The following PITHD1 variants were observed in gnomAD, a reference collection of about 807,000 sequenced individuals.
PITHD1 encodes PITH domain containing 1, also known as PITH domain-containing protein 1.
PITHD1 carries 8 observed loss-of-function variants against 27.5 expected under a neutral mutation model. The observed-to-expected ratio is 0.29, with a 90% CI of 0.17 to 0.52. The LOEUF is 0.52. PITHD1 is among the 20% of genes least tolerant of loss of function. The pLI is 0.96. For synonymous variants in PITHD1, 118 were observed against 106.8 expected (o/e 1.10, Z -0.64); for missense variants, 233 against 283.9 (o/e 0.82, Z 1.29).
chr1:23,783,963 G>A (rs1490082268), intron 3 of PITHD1, among the ~76,000 whole-genome samples: 1 of 152,114 alleles, frequency 6.6e-6, no homozygotes, highest in South Asian at 2.1e-4. Context: ...GCGTTACTTA[G>A]AATCGATTCA....
rs553789224 is a variant in PITHD1 at position 23,786,441 on chromosome 1, A to G, written c.534+18A>G. 8 of 1,305,426 alleles carry G rather than the reference A, an allele frequency of 6.1e-6. 1 individual carries two copies. The Admixed American group carries it at 8.5e-5, about 14-fold the overall frequency. The allele number at this position is 1,305,426 out of a possible 1,614,324, so 80.9% of individuals were successfully genotyped here. A position where few individuals can be genotyped will look rare whatever the true frequency, so the allele number is the denominator to read the frequency against. On this transcript the variant is annotated intron_variant, in intron 5 of 5. Transcript: ENST00000246151. Reference sequence around the variant, plus strand: ...GGACTGAGGTAAGATGGGGTTGGAAAGGTTTTCCCCTCATGTCTACATATC... The same window carrying G: ...GGACTGAGGTAAGATGGGGTTGGAAGGGTTTTCCCCTCATGTCTACATATC...
chr1:23,778,482 G>A lies in PITHD1; in HGVS notation c.-34G>A. ...AGCCGAGCCGAGCGAGCGCGGCGGT[G>A]GGGCCGAGAGGACGCGCAGGTGGCG... On this transcript the variant is annotated 5_prime_UTR_variant, in exon 1 of 6. Coordinates refer to ENST00000246151, the MANE Select transcript of PITHD1 (RefSeq NM_020362.5). 7.5e-7 allele frequency: 1 copy of A among 1,326,188 alleles called. No homozygotes were observed. The highest frequency in any genetic ancestry group is 9.6e-7 in the Non-Finnish European group (1 of 1,040,100). The allele number at this position is 1,326,188 out of a possible 1,614,324, so 82.2% of individuals were successfully genotyped here.
chr1:23,778,742 G>A lies in PITHD1; in HGVS notation c.198+29G>A, dbSNP rs1638549391. The A allele has an allele frequency of 2.4e-6, 3 of 1,238,154 alleles. No homozygotes were observed. The African/African-American group carries it at 4.7e-5, about 19-fold the overall frequency. The allele number at this position is 1,238,154 out of a possible 1,614,324, so 76.7% of individuals were successfully genotyped here. A position where few individuals can be genotyped will look rare whatever the true frequency, so the allele number is the denominator to read the frequency against. On this transcript the variant is annotated intron_variant, in intron 1 of 5. Coordinates refer to ENST00000246151, the MANE Select transcript of PITHD1 (RefSeq NM_020362.5). ...GGCCGCCTGGGGCTTGGGGCGGGCG[G>A]GGCAGGGTGCGTGTGGGGCCTCGGG...
chr1:23,786,747 G>C (rs181774095), intron 5 of PITHD1, among the ~76,000 whole-genome samples: 1 of 151,310 alleles, frequency 6.6e-6, no homozygotes, highest in Non-Finnish European at 1.5e-5. Flanking sequence ...CCACTCCCAC[G>C]CCTGGCTAAT....
intron 5 of PITHD1, 37 bp downstream of exon 5, chr1:23,786,460 A>G (rs771436820): frequency 3.4e-5 from 31 of 904,218 alleles, no homozygotes; most frequent in South Asian, 1.1e-4. Context: ...CCTCATGTCT[A>G]CATATCTGCA....
At position 23,787,352 on chromosome 1, in the gene PITHD1, C is replaced by A; in HGVS notation, c.612C>A (p.Thr204=). ...CAGACCATAGGGTCCATCAGGTTAC[C>A]CCACAGACACACTTTATTTCCTAAG... ...NPADHRVHQV[T]PQTHFIS is the part of the protein sequence containing the mutation. Residue 204 remains threonine, a synonymous_variant, in exon 6 of 6, where the codon ACC becomes ACA. Coordinates refer to ENST00000246151, the MANE Select transcript of PITHD1 (RefSeq NM_020362.5). The A allele has an allele frequency of 6.2e-7, 1 of 1,607,136 alleles. No homozygotes were observed. Among genetic ancestry groups the A allele is most frequent in the South Asian group, 1.1e-5 (1 of 90,714 alleles).
Position 23,784,233 on chromosome 1 carries a change from T to G in PITHD1, c.321-1442T>G, listed in dbSNP as rs562471957. ...AACACTTTGAAGTAAACATTTGCTT[T>G]CTTTTTTTTTTTTTTTTTTTTTTTT... On this transcript the variant is annotated intron_variant, in intron 3 of 5. Transcript: ENST00000246151. 1.1e-4 allele frequency among the ~76,000 whole-genome samples: 15 copies of G among 132,438 alleles called. No homozygotes were observed. In the South Asian group the frequency reaches 2.4e-3, roughly 22 times the overall value. 86.9% of individuals were successfully genotyped at this position (132,438 alleles called of 152,430 possible). A position where few individuals can be genotyped will look rare whatever the true frequency, so the allele number is the denominator to read the frequency against.
rs1239079659 is a variant in PITHD1 at position 23,785,670 on chromosome 1, C to G, written c.321-5C>G. 1.3e-6 allele frequency: 2 copies of G among 1,567,814 alleles called. No individual in the cohort carries two copies. The highest frequency in any genetic ancestry group is 2.2e-5 in the South Asian group (2 of 90,098). On this transcript the variant is annotated splice_region_variant and splice_polypyrimidine_tract_variant and intron_variant, in intron 3 of 5. Transcript: ENST00000246151. ...TCTTGACTTTTCTTTCCTTTCCTTT[C>G]TCAGGTACAAGAATATTCCACAGAT...
At chr1:23,783,430 CGTGT>C (rs35540755) in intron 3 of PITHD1, among the ~76,000 whole-genome samples, 37,854 of 134,174 alleles carry the variant, frequency 0.28, 5,947 homozygotes, top group Non-Finnish European at 0.34. Context: ...CGTATATATA[CGTGT>C]GTGTGTGTGT....
At chr1:23,778,863 G>T in intron 1 of PITHD1, 150 bp downstream of exon 1, 1 of 447,922 alleles carries the variant, frequency 2.2e-6, no homozygotes, top group Non-Finnish European at 3.7e-6. Context: ...TGGGAGGCGA[G>T]CAGCGTTGTC....
Position 23,778,514 on chromosome 1 carries a change from C to T in PITHD1, c.-2C>T, listed in dbSNP as rs934889802. The T allele has an allele frequency of 1.5e-6, 2 of 1,348,910 alleles. No homozygotes were observed. The highest frequency in any genetic ancestry group is 7.8e-5 in the Admixed American group (2 of 25,524). 83.6% of individuals were successfully genotyped at this position (1,348,910 alleles called of 1,614,324 possible). A position where few individuals can be genotyped will look rare whatever the true frequency, so the allele number is the denominator to read the frequency against. On this transcript the variant is annotated 5_prime_UTR_variant, in exon 1 of 6. Coordinates refer to ENST00000246151, the MANE Select transcript of PITHD1 (RefSeq NM_020362.5). ...AGAGGACGCGCAGGTGGCGGCGTTG[C>T]CATGTCGCACGGTCACAGCCACGGC...
rs1309708025 is a variant in PITHD1, at chr1:23,788,165, GTTC to G, written c.*795_*797del. 6.6e-6 allele frequency: 1 copy of G among 152,194 alleles called. No individual in the cohort carries two copies. The highest frequency in any genetic ancestry group is 1.5e-5 in the Non-Finnish European group (1 of 68,046). 9.4% of individuals were successfully genotyped at this position (152,194 alleles called of 1,614,324 possible). A position where few individuals can be genotyped will look rare whatever the true frequency, so the allele number is the denominator to read the frequency against. On this transcript the variant is annotated 3_prime_UTR_variant, in exon 6 of 6. Transcript: ENST00000246151. ...CCGATGCCAGAATTTGGAGATTTGAGTTCTTCTTTTCATGGCTTTTATTCACTG... is the reference window on the plus strand; with the variant it reads ...CCGATGCCAGAATTTGGAGATTTGAGTTCTTTTCATGGCTTTTATTCACTG...
Position 23,785,665 on chromosome 1 carries a change from C to G in PITHD1, c.321-10C>G. On this transcript the variant is annotated splice_polypyrimidine_tract_variant and intron_variant, in intron 3 of 5. Coordinates refer to ENST00000246151, the MANE Select transcript of PITHD1 (RefSeq NM_020362.5). Reference sequence around the variant, plus strand: ...ACATTTCTTGACTTTTCTTTCCTTTCCTTTCTCAGGTACAAGAATATTCCA... The same window carrying G: ...ACATTTCTTGACTTTTCTTTCCTTTGCTTTCTCAGGTACAAGAATATTCCA... The G allele has an allele frequency of 6.5e-7, 1 of 1,549,362 alleles. No individual in the cohort carries two copies. The highest frequency in any genetic ancestry group is 8.9e-7 in the Non-Finnish European group (1 of 1,122,058).
intron 3 of PITHD1, among the ~76,000 whole-genome samples, chr1:23,782,549 C>A (rs72872172): frequency 1.7e-4 from 26 of 151,890 alleles, no homozygotes; most frequent in Admixed American, 1.7e-3. Flanking sequence ...GAATTAAGAT[C>A]GTAAGATCAT....
chr1:23,784,186 T>A (rs1407447181), intron 3 of PITHD1, among the ~76,000 whole-genome samples: 1 of 151,998 alleles, frequency 6.6e-6, no homozygotes, highest in Non-Finnish European at 1.5e-5. Context: ...TTATTATTAT[T>A]CTGTGGTGCA....
At chr1:23,787,045 A>G (rs1284965503) in intron 5 of PITHD1, among the ~76,000 whole-genome samples, 1 of 152,226 alleles carries the variant, frequency 6.6e-6, no homozygotes, top group Non-Finnish European at 1.5e-5. Context: ...AGGGAGACTG[A>G]ATCTTCAAAG....
intron 1 of PITHD1, among the ~76,000 whole-genome samples, chr1:23,778,971 T>G (rs1157646787): frequency 6.6e-6 from 1 of 152,132 alleles, no homozygotes; most frequent in Non-Finnish European, 1.5e-5. Context: ...CTGTGTGGGC[T>G]AGAGAGGATG....
chr1:23,785,655 T>TCTTTC lies in PITHD1; in HGVS notation c.321-9_321-5dup. On this transcript the variant is annotated intron_variant, in intron 3 of 5. Coordinates refer to ENST00000246151, the MANE Select transcript of PITHD1 (RefSeq NM_020362.5). Reference sequence around the variant, plus strand: ...GTGATAATGCACATTTCTTGACTTTTCTTTCCTTTCCTTTCTCAGGTACAA... The same window carrying TCTTTC: ...GTGATAATGCACATTTCTTGACTTTTCTTTCCTTTCCTTTCCTTTCTCAGGTACAA... The TCTTTC allele has an allele frequency of 6.7e-7, 1 of 1,493,898 alleles. No homozygotes were observed. The allele number at this position is 1,493,898 out of a possible 1,614,324, so 92.5% of individuals were successfully genotyped here. A position where few individuals can be genotyped will look rare whatever the true frequency, so the allele number is the denominator to read the frequency against.
rs531351504 is a variant in PITHD1, at chr1:23,780,944, G to A, written c.320+1003G>A. ...AGGCCGAGCATGGTGGTTCACACCT[G>A]TAATCCCAGCACTTTGGGATGCCGA... On this transcript the variant is annotated intron_variant, in intron 3 of 5. Coordinates refer to ENST00000246151, the MANE Select transcript of PITHD1 (RefSeq NM_020362.5). 2.5e-4 allele frequency among the ~76,000 whole-genome samples: 38 copies of A among 152,132 alleles called. 1 individual carries two copies. The highest frequency in any genetic ancestry group is 8.2e-4 in the African/African-American group (34 of 41,504).
Sources: allele counts gnomAD v4.1 joint callset (sites outside exome capture counted in the v4.1 genomes callset), GRCh38; gene constraint gnomAD v4.1.1; transcripts MANE v1.5; gene names NCBI Gene and HGNC (gene_info 2026-07-23, HGNC 2026-07-21).